Variants in WNK1 observed in about 807,000 individuals in gnomAD.
WNK1 encodes serine/threonine-protein kinase WNK1.
Under a neutral mutation model 222.8 loss-of-function variants are expected in WNK1, and 38 were observed. The ratio of observed to expected loss-of-function variants is 0.17; its 90% confidence interval spans 0.13 to 0.22. The LOEUF (loss-of-function observed/expected upper bound fraction) is 0.22. WNK1 is among the 10% of genes least tolerant of loss of function. WNK1 has a pLI of 1.00. For missense variants in WNK1, 2,348 were observed against 2,918.4 expected, an observed-to-expected ratio of 0.80 and a Z score of 4.50; for synonymous variants, 1,090 against 1,092.9, an observed-to-expected ratio of 1.00 and a Z score of 0.05.
intron 9 of WNK1, among the ~76,000 whole-genome samples, chr12:873,032 C>T (rs1952290974): frequency 1.3e-5 from 2 of 152,292 alleles, no homozygotes; most frequent in South Asian, 4.1e-4. Context: ...CCAACCTTAA[C>T]AAAATCTGTT....
At chr12:836,115 C>CT (rs1192092817) in intron 4 of WNK1, among the ~76,000 whole-genome samples, 9 of 152,048 alleles carry the variant, frequency 5.9e-5, no homozygotes, top group Non-Finnish European at 8.8e-5. Context: ...TACAATCTGA[C>CT]TTTTTTATTA....
chr12:793,781 T>TAG (rs1294177058), intron 1 of WNK1, among the ~76,000 whole-genome samples: 3 of 152,190 alleles, frequency 2.0e-5, no homozygotes, highest in African/African-American at 7.2e-5. Flanking sequence ...ATTGAGATAA[T>TAG]TCACATACTA....
At chr12:857,705 C>T (rs977983400) in intron 5 of WNK1, among the ~76,000 whole-genome samples, 2 of 152,152 alleles carry the variant, frequency 1.3e-5, no homozygotes, top group Non-Finnish European at 2.9e-5. Context: ...ATCAAAATTC[C>T]TTGAGTAAAA....
chr12:817,817 A>C (rs1371161425), intron 2 of WNK1, among the ~76,000 whole-genome samples: 1 of 112,664 alleles, frequency 8.9e-6, no homozygotes, highest in African/African-American at 3.0e-5. Flanking sequence ...GCTGGGCATG[A>C]TGGCGGGCGC....
At chr12:870,411 A>G (rs906635089) in intron 8 of WNK1, among the ~76,000 whole-genome samples, 3 of 152,240 alleles carry the variant, frequency 2.0e-5, no homozygotes, top group African/African-American at 7.2e-5. Flanking sequence ...GTTAAGCTGC[A>G]GTGGAATGTG....
At chr12:818,801 C>T (rs980821698) in intron 2 of WNK1, among the ~76,000 whole-genome samples, 5 of 152,216 alleles carry the variant, frequency 3.3e-5, no homozygotes, top group Non-Finnish European at 5.9e-5. Flanking sequence ...CGCATCAGTA[C>T]TTCATCCCCT....
intron 22 of WNK1, among the ~76,000 whole-genome samples, 184 bp from the exon 23 acceptor site, chr12:894,378 A>G (rs1169660605): frequency 2.0e-5 from 3 of 152,218 alleles, no homozygotes; most frequent in African/African-American, 7.2e-5. Context: ...CTAGTAGTAG[A>G]GCAAACAATA....
In WNK1 at chr12:849,150, A is replaced by G. The variant is rs557409995; in HGVS notation, c.1312-8011A>G. Among the ~76,000 whole-genome samples, 24 of 152,358 alleles carry G rather than the reference A, an allele frequency of 1.6e-4. No homozygotes were observed. The South Asian group carries it at 4.8e-3, about 30-fold the overall frequency. On this transcript the variant is annotated intron_variant, in intron 4 of 27. Transcript: ENST00000315939. ...TGACATCCTAGACTACTTAGTAGTA[A>G]CAAATTGTGTTGAGCCAGAGATTAG...
chr12:809,083 A>G (rs1363235880), intron 1 of WNK1, among the ~76,000 whole-genome samples: 1 of 151,788 alleles, frequency 6.6e-6, no homozygotes, highest in African/African-American at 2.4e-5. Context: ...TCTTATAAGT[A>G]GACTTTTCTT....
chr12:771,211 A>G (rs1209555029), intron 1 of WNK1, among the ~76,000 whole-genome samples: 1 of 151,334 alleles, frequency 6.6e-6, no homozygotes, highest in Non-Finnish European at 1.5e-5. Flanking sequence ...GTTAGCCAGG[A>G]TGGTCTCCAT....
intron 11 of WNK1, 54 bp from the exon 12 acceptor site, chr12:880,666 GC>G: frequency 6.6e-7 from 1 of 1,513,448 alleles, no homozygotes; most frequent in African/African-American, 1.5e-5. Context: ...TTGCTGTTTT[GC>G]TAATTTATTG....
chr12:909,029 C>T lies in WNK1; in HGVS notation c.*237C>T. The T allele has an allele frequency of 8.9e-6, 5 of 558,832 alleles. No homozygotes were observed. The highest frequency in any genetic ancestry group is 1.3e-5 in the Non-Finnish European group (4 of 311,896). 34.6% of individuals were successfully genotyped at this position (558,832 alleles called of 1,614,324 possible). On this transcript the variant is annotated 3_prime_UTR_variant, in exon 28 of 28. Transcript: ENST00000315939. ...CAGCTTTTTTGTCAAGGGGCAGCTTCAGACCATGCTTTCCTGTTTATCTAT... is the reference window on the plus strand; with the variant it reads ...CAGCTTTTTTGTCAAGGGGCAGCTTTAGACCATGCTTTCCTGTTTATCTAT...
chr12:884,388 A>T lies in WNK1; in HGVS notation c.3844+145A>T, dbSNP rs1458612645. 7.7e-7 allele frequency: 1 copy of T among 1,305,738 alleles called. No individual in the cohort carries two copies. Among genetic ancestry groups the T allele is most frequent in the Non-Finnish European group, 1.1e-6 (1 of 930,670 alleles). The allele number at this position is 1,305,738 out of a possible 1,614,324, so 80.9% of individuals were successfully genotyped here. A position where few individuals can be genotyped will look rare whatever the true frequency, so the allele number is the denominator to read the frequency against. ...GAAGTTATAACCAACAGATAAACAT[A>T]TGGGAGAGGGAAATAGATGAAGAAT... is the stretch of plus-strand genomic sequence containing the variant. On this transcript the variant is annotated intron_variant, in intron 18 of 27. Transcript: ENST00000315939. The surrounding 1 kb of genome is among the most constrained non-coding windows in gnomAD (Gnocchi z 5.6).
At chr12:763,274 G>A (rs1306728597) in intron 1 of WNK1, among the ~76,000 whole-genome samples, 2 of 147,148 alleles carry the variant, frequency 1.4e-5, no homozygotes, top group East Asian at 2.0e-4. Flanking sequence ...AGTCAGAATG[G>A]CACACAATTT....
intron 8 of WNK1, among the ~76,000 whole-genome samples, chr12:864,134 G>A (rs11064577): frequency 8.7e-6 from 1 of 114,302 alleles, no homozygotes; most frequent in Admixed American, 8.0e-5. Flanking sequence ...TTTTGACAGC[G>A]TCTCACTCTG....
chr12:894,237 C>T (rs944817404), intron 22 of WNK1, among the ~76,000 whole-genome samples: 9 of 152,058 alleles, frequency 5.9e-5, no homozygotes, highest in Non-Finnish European at 8.8e-5. Context: ...AAGATGGGTC[C>T]TTAATGTCCT....
chr12:757,412 G>A (rs142116382), intron 1 of WNK1, among the ~76,000 whole-genome samples: 1,874 of 133,322 alleles, frequency 0.014, 35 homozygotes, highest in African/African-American at 0.049. Context: ...TGCAACCTCC[G>A]CCTCCTGGGT....
chr12:899,413 C>T (rs1381910475), intron 25 of WNK1, among the ~76,000 whole-genome samples: 5 of 152,050 alleles, frequency 3.3e-5, no homozygotes, highest in Non-Finnish European at 1.5e-5. Context: ...GGATTACAAG[C>T]ATGTAATCCC....
At chr12:759,159 A>G (rs1008369925) in intron 1 of WNK1, among the ~76,000 whole-genome samples, 2 of 147,230 alleles carry the variant, frequency 1.4e-5, no homozygotes, top group African/African-American at 4.9e-5. Context: ...ATTTTTTTAG[A>G]TAAAGCTGTA....
Sources: allele counts gnomAD v4.1 joint callset (sites outside exome capture counted in the v4.1 genomes callset), GRCh38; gene constraint gnomAD v4.1.1; non-coding constraint Gnocchi (gnomAD v3.1); transcripts MANE v1.5; gene names NCBI Gene and HGNC (gene_info 2026-07-23, HGNC 2026-07-21).